Variants in CPA3 observed in about 807,000 individuals in gnomAD.
CPA3 encodes carboxypeptidase A3, also known as mast cell carboxypeptidase A.
In CPA3, 52 loss-of-function variants were observed where a neutral mutation model predicts 55.8. The ratio of observed to expected loss-of-function variants is 0.93; its 90% confidence interval spans 0.75 to 1.17. The LOEUF is 1.17. Ranked by LOEUF, CPA3 falls within the 50% of genes most tolerant of loss-of-function variation. CPA3 has a pLI of 0.00. For synonymous variants in CPA3, 179 were observed against 171.2 expected, an observed-to-expected ratio of 1.05 and a Z score of -0.36; for missense variants, 547 against 509.1, an observed-to-expected ratio of 1.07 and a Z score of -0.72.
At position 148,896,806 on chromosome 3, in the gene CPA3, C is replaced by A. The variant is rs1714844698; in HGVS notation, c.*99C>A. The A allele has an allele frequency of 1.0e-6, 1 of 999,044 alleles. No individual in the cohort carries two copies. The highest frequency in any genetic ancestry group is 1.4e-6 in the Non-Finnish European group (1 of 709,628). 61.9% of individuals were successfully genotyped at this position (999,044 alleles called of 1,614,324 possible). A position where few individuals can be genotyped will look rare whatever the true frequency, so the allele number is the denominator to read the frequency against. On this transcript the variant is annotated 3_prime_UTR_variant, in exon 11 of 11. Transcript: ENST00000296046. ...ATCCCCAAATGCAGCTTCTATTTCA[C>A]CTGAATCCTTCTCTTGCTCATTTAA...
intron 6 of CPA3, among the ~76,000 whole-genome samples, chr3:148,880,319 A>G (rs1251362755): frequency 6.7e-6 from 1 of 149,062 alleles, no homozygotes; most frequent in Non-Finnish European, 1.5e-5. Flanking sequence ...CTGAGTGAAA[A>G]ATAACTCACT....
At chr3:148,896,437 G>C in intron 10 of CPA3, 83 bp from the exon 11 acceptor site, 4 of 1,174,252 alleles carry the variant, frequency 3.4e-6, no homozygotes, top group Admixed American at 2.2e-5. Flanking sequence ...ATTTTTTATT[G>C]CTAATTATAC....
rs566975700 is a variant in CPA3 at position 148,878,333 on chromosome 3, C to G, written c.270-108C>G. 6.4e-5 allele frequency: 52 copies of G among 818,434 alleles called. No homozygotes were observed. In the African/African-American group the frequency reaches 7.3e-4, roughly 11 times the overall value. 50.7% of individuals were successfully genotyped at this position (818,434 alleles called of 1,614,324 possible). A position where few individuals can be genotyped will look rare whatever the true frequency, so the allele number is the denominator to read the frequency against. ...GAGAATAATGAAGAAACAGAGCAAA[C>G]TTGATTAAAGATAAAGGAGAAGGAA... On this transcript the variant is annotated intron_variant, in intron 3 of 10. Coordinates refer to ENST00000296046, the MANE Select transcript of CPA3 (RefSeq NM_001870.4).
chr3:148,883,877 T>C, intron 9 of CPA3, 62 bp downstream of exon 9: 1 of 1,215,244 alleles, frequency 8.2e-7, no homozygotes, highest in Non-Finnish European at 1.2e-6. Flanking sequence ...AGTCTGTTCT[T>C]CATTAACTTG....
chr3:148,890,198 A>G (rs1014947650), intron 10 of CPA3, among the ~76,000 whole-genome samples: 4 of 152,240 alleles, frequency 2.6e-5, no homozygotes, highest in African/African-American at 9.6e-5. Flanking sequence ...GGCACAAAAA[A>G]GTAAATAGTA....
chr3:148,888,333 G>A (rs1222907414), intron 10 of CPA3, among the ~76,000 whole-genome samples: 2 of 152,152 alleles, frequency 1.3e-5, no homozygotes, highest in Non-Finnish European at 2.9e-5. Context: ...CCCTTTCCTC[G>A]AGCACATTCA....
chr3:148,883,283 C>T (rs746111003), intron 8 of CPA3, among the ~76,000 whole-genome samples: 4 of 152,184 alleles, frequency 2.6e-5, no homozygotes, highest in Non-Finnish European at 5.9e-5. Flanking sequence ...CACCAGCCCC[C>T]AGCGCATTAG....
chr3:148,870,867 C>T (rs1258048355), intron 3 of CPA3, among the ~76,000 whole-genome samples: 1 of 152,060 alleles, frequency 6.6e-6, no homozygotes. Context: ...AAGAAATCAA[C>T]CCTCTATCTT....
intron 3 of CPA3, among the ~76,000 whole-genome samples, chr3:148,876,253 G>C (rs1292260574): frequency 6.6e-6 from 1 of 151,084 alleles, no homozygotes; most frequent in South Asian, 2.1e-4. Flanking sequence ...TTTTACTGAA[G>C]AATCAAAGAT....
At chr3:148,881,391 A>C in intron 6 of CPA3, 131 bp from the exon 7 acceptor site, 1 of 585,980 alleles carries the variant, frequency 1.7e-6, no homozygotes, top group Non-Finnish European at 3.0e-6. Flanking sequence ...ATTTTTGTTC[A>C]TTTTAGGGAA....
chr3:148,882,732 G>A (rs1264347753), intron 8 of CPA3, 137 bp downstream of exon 8: 1 of 673,698 alleles, frequency 1.5e-6, no homozygotes, highest in Admixed American at 2.6e-5. Context: ...TAACATGAAA[G>A]ACAATCATCA....
chr3:148,882,401 G>T, intron 7 of CPA3, 104 bp from the exon 8 acceptor site: 1 of 763,018 alleles, frequency 1.3e-6, no homozygotes, highest in South Asian at 2.0e-5. Context: ...TAACTAGATA[G>T]ATTTCAAATA....
At position 148,865,395 on chromosome 3, in the gene CPA3, T is replaced by A. The variant is rs201203054; in HGVS notation, c.68+20T>A. 2.5e-6 allele frequency: 4 copies of A among 1,613,912 alleles called. No homozygotes were observed. Among genetic ancestry groups the A allele is most frequent in the Non-Finnish European group, 3.4e-6 (4 of 1,179,908 alleles). On this transcript the variant is annotated intron_variant, in intron 1 of 10. Coordinates refer to ENST00000296046, the MANE Select transcript of CPA3 (RefSeq NM_001870.4). ...TGACAGGTAAATCTTACTTCCTGTG[T>A]TCCAGTCTCTGTGTAGAAGAGAATT... is the stretch of plus-strand genomic sequence containing the variant.
chr3:148,868,238 C>A (rs957370500), intron 2 of CPA3, among the ~76,000 whole-genome samples: 1 of 150,522 alleles, frequency 6.6e-6, no homozygotes, highest in Non-Finnish European at 1.5e-5. Flanking sequence ...GCTCATATAC[C>A]AAATTTTTGA....
At chr3:148,865,437 C>G (rs771084177) in intron 1 of CPA3, 36 bp from the exon 2 acceptor site, 2 of 1,611,838 alleles carry the variant, frequency 1.2e-6, no homozygotes, top group East Asian at 2.2e-5. Flanking sequence ...TGTTTCCTTA[C>G]AGTTCACTTT....
intron 10 of CPA3, among the ~76,000 whole-genome samples, chr3:148,894,814 A>AT (rs1714780869): frequency 6.6e-6 from 1 of 152,114 alleles, no homozygotes; most frequent in Admixed American, 6.6e-5. Flanking sequence ...TATGATGTCT[A>AT]TGCCAATAAT....
chr3:148,865,386 CT>C lies in CPA3; in HGVS notation c.68+13del. 4 of 1,613,980 alleles carry C rather than the reference CT, an allele frequency of 2.5e-6. No homozygotes were observed. Among genetic ancestry groups the C allele is most frequent in the Non-Finnish European group, 3.4e-6 (4 of 1,179,902 alleles). On this transcript the variant is annotated intron_variant, in intron 1 of 10. Transcript: ENST00000296046. Reference sequence around the variant, plus strand: ...TGTCCGCTTTGACAGGTAAATCTTACTTCCTGTGTTCCAGTCTCTGTGTAGA... The same window carrying C: ...TGTCCGCTTTGACAGGTAAATCTTACTCCTGTGTTCCAGTCTCTGTGTAGA...
chr3:148,883,070 G>T (rs73866683), intron 8 of CPA3, among the ~76,000 whole-genome samples: 3,870 of 152,288 alleles, frequency 0.025, 178 homozygotes, highest in African/African-American at 0.089. Flanking sequence ...ATACAACTAT[G>T]ACTTCATCAC....
rs1300537437 is a variant in CPA3, at chr3:148,882,457, A to G, written c.688-48A>G. 4 of 1,519,666 alleles carry G rather than the reference A, an allele frequency of 2.6e-6. No individual in the cohort carries two copies. In the South Asian group the frequency reaches 4.6e-5, roughly 17 times the overall value. 94.1% of individuals were successfully genotyped at this position (1,519,666 alleles called of 1,614,324 possible). A position where few individuals can be genotyped will look rare whatever the true frequency, so the allele number is the denominator to read the frequency against. On this transcript the variant is annotated intron_variant, in intron 7 of 10. Coordinates refer to ENST00000296046, the MANE Select transcript of CPA3 (RefSeq NM_001870.4). ...GAGAATTTGAAATGATCAAATTGAA[A>G]AATGCAAACTGATCTTGTGTAAACA...
Sources: gnomAD v4.1 joint callset for allele counts (sites outside exome capture counted in the v4.1 genomes callset) on GRCh38, gnomAD v4.1.1 for gene constraint, MANE v1.5 for transcripts, NCBI Gene and HGNC (gene_info 2026-07-23, HGNC 2026-07-21) for gene names.